Variants in AGTPBP1 observed in about 807,000 individuals in gnomAD.
AGTPBP1 encodes the protein ATP/GTP binding carboxypeptidase 1, also known as cytosolic carboxypeptidase 1.
AGTPBP1 carries 70 observed loss-of-function variants against 143.9 expected under a neutral mutation model. The observed-to-expected ratio is 0.49, with a 90% CI of 0.40 to 0.59. AGTPBP1 has a LOEUF of 0.59. AGTPBP1 is among the 20% of genes least tolerant of loss of function. The probability of loss-of-function intolerance (pLI) is 0.00; values close to 1 mark genes in which losing one functional copy is unlikely to be tolerated. For missense variants in AGTPBP1, 1,229 were observed against 1,464.5 expected, an observed-to-expected ratio of 0.84 and a Z score of 2.62; for synonymous variants, 463 against 500.2, an observed-to-expected ratio of 0.93 and a Z score of 0.99.
chr9:85,629,994 A>G (rs1453414538), intron 14 of AGTPBP1, among the ~76,000 whole-genome samples: 5 of 152,222 alleles, frequency 3.3e-5, no homozygotes, highest in Admixed American at 3.3e-4. Context: ...CAGGCTAGTA[A>G]GAGAAAATAC....
At chr9:85,779,234 TAG>T in the AGTPBP1 span, among the ~76,000 whole-genome samples, 2 of 130,484 alleles carry the variant, frequency 1.5e-5, no homozygotes, top group African/African-American at 5.2e-5. Context: ...GATATAGATA[TAG>T]ATATAGATAT....
the AGTPBP1 span, among the ~76,000 whole-genome samples, chr9:85,758,013 C>T: frequency 6.6e-6 from 1 of 152,104 alleles, no homozygotes; most frequent in Non-Finnish European, 1.5e-5. Context: ...TACTTCCTAG[C>T]CGGAGATTGG....
intron 2 of AGTPBP1, among the ~76,000 whole-genome samples, chr9:85,702,519 A>T (rs1442252706): frequency 6.7e-6 from 1 of 148,886 alleles, no homozygotes; most frequent in Non-Finnish European, 1.5e-5. Flanking sequence ...CTCTCAATTT[A>T]TCTGTTTCTG....
rs757384614 is a variant in AGTPBP1, at chr9:85,657,492, C to T, written c.852G>A (p.Leu284=). The change falls in exon 10 of 26, where the codon TTG becomes TTA. Residue 284 remains leucine, a synonymous_variant. Transcript: ENST00000357081. ...TGGCATCAATAAATGCTTTTCTTCCCAACTTGATGTTTGTAACACTTTTTA... is the reference window on the plus strand; with the variant it reads ...TGGCATCAATAAATGCTTTTCTTCCTAACTTGATGTTTGTAACACTTTTTA... ...QSLKSVTNIK[L]GRKAFIDANG... is the part of the protein sequence containing the mutation. 2 of 1,613,744 alleles carry T rather than the reference C, an allele frequency of 1.2e-6. No homozygotes were observed. Among genetic ancestry groups the T allele is most frequent in the East Asian group, 4.5e-5 (2 of 44,822 alleles).
intron 1 of AGTPBP1, among the ~76,000 whole-genome samples, chr9:85,726,250 C>CA (rs1399175945): frequency 1.1e-4 from 16 of 146,098 alleles, no homozygotes; most frequent in Admixed American, 2.7e-4. Flanking sequence ...AAACAAAAAA[C>CA]AAAAAAAAAG....
chr9:85,729,621 A>G (rs1838746625), intron 1 of AGTPBP1, among the ~76,000 whole-genome samples: 1 of 152,212 alleles, frequency 6.6e-6, no homozygotes, highest in Non-Finnish European at 1.5e-5. Flanking sequence ...ACATCTAGAT[A>G]TATAGCTTAT....
At chr9:85,634,193 C>CAA (rs112565067) in intron 13 of AGTPBP1, among the ~76,000 whole-genome samples, 1,294 of 54,918 alleles carry the variant, frequency 0.024, 30 homozygotes, top group East Asian at 0.079. Context: ...GACTCTCTCT[C>CAA]AAAAAAAAAA....
chr9:85,715,261 A>T (rs118148887), intron 1 of AGTPBP1, among the ~76,000 whole-genome samples: 3,199 of 152,030 alleles, frequency 0.021, 44 homozygotes, highest in Middle Eastern at 0.041. Flanking sequence ...AAAAAAGAAA[A>T]AAAGAAATAA....
chr9:85,718,742 C>T (rs1218359644), intron 1 of AGTPBP1, among the ~76,000 whole-genome samples: 1 of 152,200 alleles, frequency 6.6e-6, no homozygotes, highest in East Asian at 1.9e-4. Context: ...GAAATGTTTG[C>T]CCATGCCTAT....
At chr9:85,575,989 C>G (rs1297783233) in intron 24 of AGTPBP1, among the ~76,000 whole-genome samples, 2 of 152,136 alleles carry the variant, frequency 1.3e-5, no homozygotes, top group African/African-American at 4.8e-5. Context: ...AGAATCAAAT[C>G]TAAGCCAATG....
intron 25 of AGTPBP1, among the ~76,000 whole-genome samples, chr9:85,562,033 T>C (rs1220190084): frequency 6.6e-6 from 1 of 152,022 alleles, no homozygotes; most frequent in Admixed American, 6.5e-5. Context: ...GGTTTCACCA[T>C]CTTGGCCAGG....
chr9:85,675,268 G>A (rs565359306), intron 6 of AGTPBP1, among the ~76,000 whole-genome samples: 9 of 152,214 alleles, frequency 5.9e-5, no homozygotes, highest in Admixed American at 1.3e-4. Context: ...GTAGACAACC[G>A]TAAACTGAAC....
rs945206478 is a variant in AGTPBP1, at chr9:85,661,097, T to A, written c.663-124A>T. Reference sequence around the variant, plus strand: ...TTATCTATTCCAAAGTTTACTCTTGTTTAAGATAATTACACATGGTATTTC... The same window carrying A: ...TTATCTATTCCAAAGTTTACTCTTGATTAAGATAATTACACATGGTATTTC... On this transcript the variant is annotated intron_variant, in intron 8 of 25. Coordinates refer to ENST00000357081, the MANE Select transcript of AGTPBP1 (RefSeq NM_001330701.2). The A allele has an allele frequency of 1.2e-5, 9 of 742,698 alleles. No individual in the cohort carries two copies. The East Asian group carries it at 1.8e-4, about 15-fold the overall frequency. The allele number at this position is 742,698 out of a possible 1,614,324, so 46.0% of individuals were successfully genotyped here.
chr9:85,738,060 T>TA (rs570621934), intron 1 of AGTPBP1, among the ~76,000 whole-genome samples: 6 of 152,234 alleles, frequency 3.9e-5, no homozygotes, highest in African/African-American at 9.6e-5. Context: ...TTTTTTGTTT[T>TA]AAAAAAAAGT....
At chr9:85,562,411 T>C (rs1024931346) in intron 25 of AGTPBP1, among the ~76,000 whole-genome samples, 13 of 152,140 alleles carry the variant, frequency 8.5e-5, no homozygotes, top group African/African-American at 3.1e-4. Flanking sequence ...TAAAAACAAA[T>C]ACTAAACAAA....
chr9:85,566,054 C>T (rs562925513), intron 25 of AGTPBP1, among the ~76,000 whole-genome samples: 28 of 152,134 alleles, frequency 1.8e-4, no homozygotes, highest in Non-Finnish European at 2.8e-4. Flanking sequence ...TAGCTACCTA[C>T]CTCTTATTCA....
At chr9:85,711,779 G>C (rs1837392337) in intron 2 of AGTPBP1, among the ~76,000 whole-genome samples, 1 of 152,008 alleles carries the variant, frequency 6.6e-6, no homozygotes, top group Non-Finnish European at 1.5e-5. Context: ...ATATATTTTA[G>C]GCATTGTGGG....
At chr9:85,674,952 A>C (rs776391293) in intron 6 of AGTPBP1, among the ~76,000 whole-genome samples, 1 of 152,124 alleles carries the variant, frequency 6.6e-6, no homozygotes. Context: ...GCTGGAGTGC[A>C]GTGGTACGAT....
At chr9:85,584,648 A>C (rs1828490056) in intron 23 of AGTPBP1, among the ~76,000 whole-genome samples, 1 of 152,048 alleles carries the variant, frequency 6.6e-6, no homozygotes, top group Non-Finnish European at 1.5e-5. Context: ...TTGTAGAAGA[A>C]TCTGAAAAAT....
Sources: gnomAD v4.1 joint callset for allele counts (sites outside exome capture counted in the v4.1 genomes callset) on GRCh38, gnomAD v4.1.1 for gene constraint, MANE v1.5 for transcripts, NCBI Gene and HGNC (gene_info 2026-07-23, HGNC 2026-07-21) for gene names.